The following CREM variants were observed in gnomAD, a reference collection of about 807,000 sequenced individuals.
CREM encodes cAMP responsive element modulator.
Under a neutral mutation model 37.3 loss-of-function variants are expected in CREM, and 13 were observed. That is an observed-to-expected ratio of 0.35 (90% CI 0.23 to 0.55). The LOEUF is 0.55. CREM is among the 20% of genes least tolerant of loss of function. The pLI, the probability that CREM is intolerant of heterozygous loss-of-function variation, is 0.88. For missense variants in CREM, 296 were observed against 362.3 expected (o/e 0.82, Z 1.49); for synonymous variants, 124 against 120.2 (o/e 1.03, Z -0.21).
At chr10:35,155,892 G>A (rs977256071) in intron 3 of CREM, among the ~76,000 whole-genome samples, 33 of 151,624 alleles carry the variant, frequency 2.2e-4, no homozygotes, top group African/African-American at 8.0e-4. Context: ...GCCTCCCAAA[G>A]TGCTGGGATT....
chr10:35,146,873 G>A (rs1235732266), intron 2 of CREM, among the ~76,000 whole-genome samples: 9 of 151,964 alleles, frequency 5.9e-5, no homozygotes, highest in Admixed American at 5.9e-4. Context: ...TGTAGAATCT[G>A]GTAACTAATT....
chr10:35,196,097 G>A (rs776419207), intron 6 of CREM: 17 of 1,614,174 alleles, frequency 1.1e-5, no homozygotes, highest in Non-Finnish European at 1.4e-5. Context: ...GGCCAGCTTA[G>A]TGGTAAGATC....
chr10:35,173,777 T>C (rs1380696373), intron 3 of CREM, among the ~76,000 whole-genome samples: 2 of 152,202 alleles, frequency 1.3e-5, no homozygotes, highest in African/African-American at 4.8e-5. Flanking sequence ...TGTTCCTCCT[T>C]CTTAAGATCT....
chr10:35,201,485 T>C, intron 6 of CREM: 1 of 1,551,674 alleles, frequency 6.4e-7, no homozygotes, highest in Non-Finnish European at 8.7e-7. Context: ...GTCACATGGC[T>C]GGTAAGTGGC....
intron 6 of CREM, chr10:35,194,998 A>G: frequency 2.2e-6 from 1 of 459,712 alleles, no homozygotes; most frequent in Non-Finnish European, 3.9e-6. Context: ...GGTTTATTAC[A>G]GGAAGAGTTT....
intron 2 of CREM, among the ~76,000 whole-genome samples, chr10:35,142,458 TTC>T (rs1333052735): frequency 6.6e-6 from 1 of 152,040 alleles, no homozygotes; most frequent in Non-Finnish European, 1.5e-5. Context: ...GGCAAGGGCT[TTC>T]ATTGAATGCA....
At chr10:35,144,952 G>C (rs2091895301) in intron 2 of CREM, among the ~76,000 whole-genome samples, 1 of 151,920 alleles carries the variant, frequency 6.6e-6, no homozygotes, top group African/African-American at 2.4e-5. Flanking sequence ...TTGAGGCCAG[G>C]AGTTGGAGAC....
chr10:35,175,955 C>T lies in CREM; in HGVS notation c.169-2934C>T, dbSNP rs774416997. On this transcript the variant is annotated intron_variant, in intron 3 of 7. Transcript: ENST00000685392. ...ACATGTCCAGGGAGTAATTCAGACA[C>T]CACAGCCATGGGTTATTCAGTCATC... 21 of 1,551,358 alleles carry T rather than the reference C, an allele frequency of 1.4e-5. No homozygotes were observed. In the South Asian group the frequency reaches 2.5e-4, roughly 18 times the overall value.
rs772093575 is a variant in CREM, at chr10:35,178,898, A to C, written c.178A>C (p.Ile60Leu). The C allele has an allele frequency of 1.2e-6, 2 of 1,609,194 alleles. No individual in the cohort carries two copies. The highest frequency in any genetic ancestry group is 4.5e-5 in the East Asian group (2 of 44,844). The change falls in exon 4 of 8, where the codon ATT (isoleucine) becomes CTT (leucine). Residue 60 changes from isoleucine (I) to leucine (L), a missense_variant. Physicochemically the swap from Ile to Leu is conservative, Grantham distance 5. Transcript: ENST00000685392. Reference protein sequence around the residue: ...SIPALAQVAAIAETDESAESE... With the variant: ...SIPALAQVAALAETDESAESE... The stretch of plus-strand genomic sequence containing the variant: ...AAATCTTGTATTATAGGTAGCAGCA[A>C]TTGCAGAGACAGATGAATCTGCAGA...
chr10:35,150,533 A>G (rs952082092), intron 3 of CREM, among the ~76,000 whole-genome samples: 2 of 152,158 alleles, frequency 1.3e-5, no homozygotes, highest in African/African-American at 4.8e-5. Flanking sequence ...AGAAATTGCC[A>G]ACAGGTGGCC....
rs2087869755 is a variant in CREM, at chr10:35,126,903, C to T, written c.-345C>T. On this transcript the variant is annotated 5_prime_UTR_variant, in exon 1 of 8. Coordinates refer to ENST00000685392, the MANE Select transcript of CREM (RefSeq NM_183011.2). ...CGGCCGGCAGGGGGCGGAGTTCGAG[C>T]CTGGATTTTTTTCCTCGGGGCCTCC... 1 of 152,238 alleles carries T rather than the reference C, an allele frequency of 6.6e-6. No individual in the cohort carries two copies. Among genetic ancestry groups the T allele is most frequent in the African/African-American group, 2.4e-5 (1 of 41,440 alleles). The allele number at this position is 152,238 out of a possible 1,614,324, so 9.4% of individuals were successfully genotyped here.
chr10:35,153,077 A>G (rs2092692276), intron 3 of CREM, among the ~76,000 whole-genome samples: 1 of 152,026 alleles, frequency 6.6e-6, no homozygotes, highest in African/African-American at 2.4e-5. Context: ...TAAAAAATAA[A>G]TTAATACAAC....
chr10:35,212,039 C>T lies in CREM; in HGVS notation c.*641C>T, dbSNP rs981611541. 7.3e-5 allele frequency: 28 copies of T among 383,562 alleles called. No individual in the cohort carries two copies. The highest frequency in any genetic ancestry group is 5.0e-4 in the African/African-American group (24 of 48,134). 23.8% of individuals were successfully genotyped at this position (383,562 alleles called of 1,614,324 possible). On this transcript the variant is annotated 3_prime_UTR_variant, in exon 8 of 8. Transcript: ENST00000685392. ...TTCTTAAAATGCAATATTTGTAAGG[C>T]TTGTTCCAATGCCACATACTTGCAG...
chr10:35,183,930 C>T (rs907936303), intron 5 of CREM, among the ~76,000 whole-genome samples: 1 of 152,024 alleles, frequency 6.6e-6, no homozygotes, highest in African/African-American at 2.4e-5. Flanking sequence ...CAAAATTAGC[C>T]GGGTGTGGTG....
chr10:35,189,334 G>C (rs567384850), intron 6 of CREM, among the ~76,000 whole-genome samples: 2 of 151,924 alleles, frequency 1.3e-5, no homozygotes, highest in African/African-American at 4.8e-5. Context: ...CTGGATTTGC[G>C]TTATACATTA....
At chr10:35,148,581 T>A (rs1400181508) in intron 3 of CREM, 90 bp downstream of exon 3, 1 of 1,402,124 alleles carries the variant, frequency 7.1e-7, no homozygotes, top group Non-Finnish European at 9.7e-7. Context: ...GATCTTAAAT[T>A]TTCCATGTTC....
chr10:35,205,926 C>A (rs913264810), intron 6 of CREM, among the ~76,000 whole-genome samples: 12 of 151,816 alleles, frequency 7.9e-5, no homozygotes, highest in Non-Finnish European at 1.3e-4. Context: ...CCACTGCACT[C>A]CAGCCTGGAG....
chr10:35,208,343 C>CA (rs1354455919), intron 7 of CREM, among the ~76,000 whole-genome samples: 6 of 152,030 alleles, frequency 3.9e-5, no homozygotes, highest in Non-Finnish European at 8.8e-5. Context: ...TATTTTTAAG[C>CA]AACATATTAT....
intron 1 of CREM, among the ~76,000 whole-genome samples, chr10:35,130,114 T>C (rs1275661460): frequency 2.0e-5 from 3 of 150,138 alleles, no homozygotes; most frequent in East Asian, 2.0e-4. Flanking sequence ...GAGAATTGCT[T>C]GAACCCCGGA....
Sources: gnomAD v4.1 joint callset for allele counts (sites outside exome capture counted in the v4.1 genomes callset) on GRCh38, gnomAD v4.1.1 for gene constraint, MANE v1.5 for transcripts, NCBI Gene and HGNC (gene_info 2026-07-23, HGNC 2026-07-21) for gene names.